Variants in GHR observed in about 807,000 individuals in gnomAD.
GHR encodes the protein GH receptor.
A neutral mutation model predicts 67.1 loss-of-function variants in GHR; 35 were observed. The observed-to-expected ratio is 0.52, with a 90% confidence interval of 0.40 to 0.69. The LOEUF (loss-of-function observed/expected upper bound fraction) is 0.69. Among genes scored for constraint, GHR ranks in the 30% least tolerant of loss-of-function variants. GHR has a pLI of 0.00. For missense variants in GHR, 792 were observed against 764.6 expected, an observed-to-expected ratio of 1.04 and a Z score of -0.42; for synonymous variants, 272 against 269.1, an observed-to-expected ratio of 1.01 and a Z score of -0.10.
At chr5:42,465,289 G>T (rs545882518) in intron 1 of GHR, 2 of 651,316 alleles carry the variant, frequency 3.1e-6, no homozygotes, top group South Asian at 1.9e-5. Flanking sequence ...TGAATGTGAT[G>T]ATCTTGAAGA....
At chr5:42,638,920 A>G (rs1306197887) in intron 3 of GHR, among the ~76,000 whole-genome samples, 1 of 152,200 alleles carries the variant, frequency 6.6e-6, no homozygotes, top group East Asian at 1.9e-4. Flanking sequence ...TTGAAGAGGT[A>G]TTATGGTTAT....
At chr5:42,546,957 CT>C (rs942575623) in intron 1 of GHR, among the ~76,000 whole-genome samples, 1 of 152,216 alleles carries the variant, frequency 6.6e-6, no homozygotes, top group African/African-American at 2.4e-5. Context: ...CTGATTTATA[CT>C]GCAAATTCTG....
intron 1 of GHR, among the ~76,000 whole-genome samples, chr5:42,441,561 G>C (rs1246186597): frequency 6.6e-6 from 1 of 152,004 alleles, no homozygotes; most frequent in African/African-American, 2.4e-5. Flanking sequence ...CCAGGCTGGA[G>C]TGCAGTGGCA....
chr5:42,720,384 CACTGACCAAGAT>C lies in GHR; in HGVS notation c.*964_*975del, dbSNP rs1241923730. 3 of 152,110 alleles carry C rather than the reference CACTGACCAAGAT, an allele frequency of 2.0e-5. No homozygotes were observed. The highest frequency in any genetic ancestry group is 7.2e-5 in the African/African-American group (3 of 41,388). 9.4% of individuals were successfully genotyped at this position (152,110 alleles called of 1,614,324 possible). A position where few individuals can be genotyped will look rare whatever the true frequency, so the allele number is the denominator to read the frequency against. ...AGAAGTAGAAATCATAGCTGGTTCA[CACTGACCAAGAT>C]ACTTAAGTGCTGCAATTGCACGCGG... On this transcript the variant is annotated 3_prime_UTR_variant, in exon 10 of 10. Coordinates refer to ENST00000230882, the MANE Select transcript of GHR (RefSeq NM_000163.5).
In GHR at chr5:42,525,367, T is replaced by C. The variant is rs1747662835; in HGVS notation, c.-11-40497T>C. Among the ~76,000 whole-genome samples the C allele has an allele frequency of 3.3e-5, 5 of 152,346 alleles. No homozygotes were observed. The South Asian group carries it at 1.0e-3, about 32-fold the overall frequency. On this transcript the variant is annotated intron_variant, in intron 1 of 9. Coordinates refer to ENST00000230882, the MANE Select transcript of GHR (RefSeq NM_000163.5). ...TGCCCTGCGGCATTTCAGACTTGCA[T>C]GGACCCTGTAATCCTAATCCTATTG...
rs928181313 is a variant in GHR at position 42,677,241 on chromosome 5, A to G, written c.137-11649A>G. On this transcript the variant is annotated intron_variant, in intron 3 of 9. Coordinates refer to ENST00000230882, the MANE Select transcript of GHR (RefSeq NM_000163.5). ...ATTTTTTCTGAAAAGAGTATTGCCA[A>G]TATATCAATAAAGCTTTTTGCTATG... Among the ~76,000 whole-genome samples, 8 of 152,260 alleles carry G rather than the reference A, an allele frequency of 5.3e-5. No homozygotes were observed. In the East Asian group the frequency reaches 7.7e-4, roughly 15 times the overall value.
intron 2 of GHR, among the ~76,000 whole-genome samples, chr5:42,626,973 C>G (rs1753734201): frequency 6.6e-6 from 1 of 152,176 alleles, no homozygotes; most frequent in African/African-American, 2.4e-5. Flanking sequence ...GCAACCCACT[C>G]TAATACTTCA....
chr5:42,695,117 A>T (rs1275913906), intron 5 of GHR, 28 bp downstream of exon 5: 1 of 1,531,730 alleles, frequency 6.5e-7, no homozygotes, highest in Admixed American at 1.7e-5. Flanking sequence ...GTTTCATTTG[A>T]CATAGTTTTA....
chr5:42,698,970 C>T (rs1190743476), intron 5 of GHR, among the ~76,000 whole-genome samples: 5 of 152,136 alleles, frequency 3.3e-5, no homozygotes, highest in African/African-American at 1.2e-4. Flanking sequence ...CAGAATGCAA[C>T]AAATTTTCGT....
chr5:42,491,961 G>A (rs1043472103), intron 1 of GHR, among the ~76,000 whole-genome samples: 1 of 152,174 alleles, frequency 6.6e-6, no homozygotes, highest in South Asian at 2.1e-4. Context: ...ATAGCAAGCC[G>A]ACTGAGGAAT....
chr5:42,538,443 T>C (rs1748358185), intron 1 of GHR, among the ~76,000 whole-genome samples: 1 of 152,218 alleles, frequency 6.6e-6, no homozygotes, highest in African/African-American at 2.4e-5. Context: ...GATGCTTAGC[T>C]TGCTGGATAG....
chr5:42,565,890 C>T lies in GHR; in HGVS notation c.16C>T (p.Leu6=). The change falls in exon 2 of 10, where the codon CTG becomes TTG. Residue 6 remains leucine, a synonymous_variant. Transcript: ENST00000230882. ...TCCTACAGGTATGGATCTCTGGCAG[C>T]TGCTGTTGACCTTGGCACTGGCAGG... MDLWQ[L]LLTLALAGSS... The T allele has an allele frequency of 6.2e-7, 1 of 1,614,032 alleles. No individual in the cohort carries two copies. Among genetic ancestry groups the T allele is most frequent in the South Asian group, 1.1e-5 (1 of 91,090 alleles).
At chr5:42,557,966 T>C (rs1749402762) in intron 1 of GHR, among the ~76,000 whole-genome samples, 1 of 152,206 alleles carries the variant, frequency 6.6e-6, no homozygotes, top group Non-Finnish European at 1.5e-5. Flanking sequence ...AGCTTCTGGC[T>C]TGTGAATCCA....
At chr5:42,660,051 G>C (rs968216456) in intron 3 of GHR, among the ~76,000 whole-genome samples, 7 of 152,320 alleles carry the variant, frequency 4.6e-5, no homozygotes, top group Admixed American at 4.6e-4. Flanking sequence ...CAGCAAGGCT[G>C]GGGGAGGGGC....
At chr5:42,478,165 G>C (rs371265337) in intron 1 of GHR, among the ~76,000 whole-genome samples, 6 of 151,978 alleles carry the variant, frequency 3.9e-5, no homozygotes, top group African/African-American at 9.7e-5. Context: ...TCTTGTTTTT[G>C]TCAGGTTTGT....
intron 3 of GHR, among the ~76,000 whole-genome samples, chr5:42,633,103 T>G (rs1410931695): frequency 6.6e-6 from 1 of 152,122 alleles, no homozygotes; most frequent in Non-Finnish European, 1.5e-5. Flanking sequence ...AGAAAAAAAT[T>G]AGATGATTGC....
intron 1 of GHR, among the ~76,000 whole-genome samples, chr5:42,544,741 G>A (rs998156070): frequency 2.0e-5 from 3 of 151,994 alleles, no homozygotes; most frequent in Admixed American, 6.6e-5. Context: ...TAAGGAAACC[G>A]TTCAATCCAT....
At chr5:42,525,276 C>T (rs769867928) in intron 1 of GHR, among the ~76,000 whole-genome samples, 69 of 151,884 alleles carry the variant, frequency 4.5e-4, no homozygotes, top group Non-Finnish European at 8.7e-4. Context: ...CCACCTCTTC[C>T]ATCAGCGTGA....
intron 2 of GHR, among the ~76,000 whole-genome samples, chr5:42,599,170 A>G (rs1752233715): frequency 1.3e-5 from 2 of 152,214 alleles, no homozygotes; most frequent in South Asian, 4.1e-4. Context: ...AACTTGGTCA[A>G]TACCTTATTG....
Sources: allele counts gnomAD v4.1 joint callset (sites outside exome capture counted in the v4.1 genomes callset), GRCh38; gene constraint gnomAD v4.1.1; transcripts MANE v1.5; gene names NCBI Gene and HGNC (gene_info 2026-07-23, HGNC 2026-07-21).